Variants in SLC22A23 observed in about 807,000 individuals in gnomAD.
The protein encoded by SLC22A23 is solute carrier family 22 member 23.
Under a neutral mutation model 61.0 loss-of-function variants are expected in SLC22A23, and 26 were observed. That is an observed-to-expected ratio of 0.43 (90% CI 0.31 to 0.59). The LOEUF (loss-of-function observed/expected upper bound fraction) is 0.59, where lower values mean the gene tolerates loss of function less well. Among genes scored for constraint, SLC22A23 ranks in the 20% least tolerant of loss-of-function variants. SLC22A23 has a pLI of 0.11. For missense variants in SLC22A23, 796 were observed against 934.7 expected (o/e 0.85, Z 1.94); for synonymous variants, 430 against 413.9 (o/e 1.04, Z -0.47).
At position 3,387,307 on chromosome 6, in the gene SLC22A23, A is replaced by G. The variant is rs539345870; in HGVS notation, c.913+22881T>C. Among the ~76,000 whole-genome samples, 5 of 152,364 alleles carry G rather than the reference A, an allele frequency of 3.3e-5. No homozygotes were observed. In the South Asian group the frequency reaches 1.0e-3, roughly 32 times the overall value. ...CCTGCCTCGATACGACGCCATGAGC[A>G]GGGTGGTGCTCTTCCCCCTAGTCTG... On this transcript the variant is annotated intron_variant, in intron 3 of 9. Coordinates refer to ENST00000406686, the MANE Select transcript of SLC22A23 (RefSeq NM_015482.2). This position sits in a 1 kb window ranked among gnomAD's most constrained non-coding sequence, Gnocchi z 5.0.
chr6:3,344,461 G>C (rs996569039), intron 3 of SLC22A23, among the ~76,000 whole-genome samples: 2 of 152,156 alleles, frequency 1.3e-5, no homozygotes, highest in Non-Finnish European at 2.9e-5. Flanking sequence ...AGTCTAAAGG[G>C]CTGTATTGAA....
At chr6:3,393,844 G>A (rs961716705) in intron 3 of SLC22A23, among the ~76,000 whole-genome samples, 2 of 152,214 alleles carry the variant, frequency 1.3e-5, no homozygotes, top group African/African-American at 4.8e-5. Context: ...CTGAAAAGAG[G>A]ATAGGAACGA....
chr6:3,296,130 C>T (rs1761066578), intron 5 of SLC22A23, among the ~76,000 whole-genome samples: 1 of 152,174 alleles, frequency 6.6e-6, no homozygotes, highest in Non-Finnish European at 1.5e-5. Context: ...ACAAATTGTA[C>T]TGTAAGCCTA....
intron 4 of SLC22A23, among the ~76,000 whole-genome samples, chr6:3,314,830 A>G (rs1762544348): frequency 6.6e-6 from 1 of 152,160 alleles, no homozygotes; most frequent in Non-Finnish European, 1.5e-5. Context: ...CCTTTACGGC[A>G]GCACAATCTC....
chr6:3,340,138 C>A (rs1173342728), intron 3 of SLC22A23, among the ~76,000 whole-genome samples: 2 of 152,122 alleles, frequency 1.3e-5, no homozygotes, highest in Non-Finnish European at 2.9e-5. Context: ...GGAGGGATGG[C>A]CTGGAGAAGG....
intron 3 of SLC22A23, among the ~76,000 whole-genome samples, chr6:3,332,842 CAG>C (rs1763652387): frequency 6.6e-6 from 1 of 152,088 alleles, no homozygotes; most frequent in Non-Finnish European, 1.5e-5. Context: ...CAGTCTAGAG[CAG>C]ACTTCCCCCG....
intron 1 of SLC22A23, among the ~76,000 whole-genome samples, chr6:3,428,085 C>G (rs1300277697): frequency 1.7e-4 from 26 of 152,214 alleles, no homozygotes; most frequent in Admixed American, 1.7e-3. Flanking sequence ...ACCCTGAGAA[C>G]TCACCGGGGC....
At position 3,322,284 on chromosome 6, in the gene SLC22A23, T is replaced by C. The variant is rs1763000519; in HGVS notation, c.1082+1550A>G. ...GAAGCACAGAGAAGCATTTGTGAGATAAATCAGCACCCTTGAACTCCGAAA... is the reference window on the plus strand; with the variant it reads ...GAAGCACAGAGAAGCATTTGTGAGACAAATCAGCACCCTTGAACTCCGAAA... On this transcript the variant is annotated intron_variant, in intron 4 of 9. Transcript: ENST00000406686. This position sits in a 1 kb window ranked among gnomAD's most constrained non-coding sequence, Gnocchi z 4.1. Among the ~76,000 whole-genome samples the C allele has an allele frequency of 6.6e-6, 1 of 152,142 alleles. No individual in the cohort carries two copies. The highest frequency in any genetic ancestry group is 2.4e-5 in the African/African-American group (1 of 41,428).
intron 3 of SLC22A23, among the ~76,000 whole-genome samples, chr6:3,352,520 G>C (rs763642126): frequency 6.6e-6 from 1 of 152,106 alleles, no homozygotes; most frequent in Non-Finnish European, 1.5e-5. Context: ...CACAGACAGA[G>C]AGAAAGAGAG....
chr6:3,344,050 T>C (rs975097261), intron 3 of SLC22A23, among the ~76,000 whole-genome samples: 2 of 152,198 alleles, frequency 1.3e-5, no homozygotes, highest in East Asian at 1.9e-4. Context: ...GGGAATGCCT[T>C]GGTTTCTGTG....
intron 1 of SLC22A23, among the ~76,000 whole-genome samples, chr6:3,429,837 G>A (rs944045048): frequency 2.6e-5 from 4 of 152,174 alleles, no homozygotes; most frequent in African/African-American, 9.7e-5. Flanking sequence ...GATACGAGGT[G>A]CCTGGAGTAG....
intron 9 of SLC22A23, among the ~76,000 whole-genome samples, chr6:3,278,728 C>A (rs1759141725): frequency 6.6e-6 from 1 of 152,166 alleles, no homozygotes; most frequent in Non-Finnish European, 1.5e-5. Context: ...CCTAAAATAG[C>A]CAATTAAGTC....
chr6:3,410,168 T>C lies in SLC22A23; in HGVS notation c.913+20A>G, dbSNP rs780048124. ...TTTTGCTAAATTCTTTCAAGACTAG[T>C]CGTGAAGGCTCCTACTTACGTAAAG... On this transcript the variant is annotated intron_variant, in intron 3 of 9. Coordinates refer to ENST00000406686, the MANE Select transcript of SLC22A23 (RefSeq NM_015482.2). The surrounding 1 kb of genome is among the most constrained non-coding windows in gnomAD (Gnocchi z 5.0). 1 of 1,599,214 alleles carries C rather than the reference T, an allele frequency of 6.3e-7. No homozygotes were observed. The highest frequency in any genetic ancestry group is 1.1e-5 in the South Asian group (1 of 88,288).
rs545890140 is a variant in SLC22A23, at chr6:3,322,495, C to T, written c.1082+1339G>A. Among the ~76,000 whole-genome samples, 3 of 152,342 alleles carry T rather than the reference C, an allele frequency of 2.0e-5. No homozygotes were observed. The highest frequency in any genetic ancestry group is 1.9e-4 in the East Asian group (1 of 5,186). On this transcript the variant is annotated intron_variant, in intron 4 of 9. Transcript: ENST00000406686. This position sits in a 1 kb window ranked among gnomAD's most constrained non-coding sequence, Gnocchi z 4.1. ...GGTTGTGCTGCGGGAGGGGTTTGGA[C>T]ATCCAACTTCGGGACAAGAGCTGGA...
At chr6:3,453,243 A>G (rs941964242) in intron 1 of SLC22A23, among the ~76,000 whole-genome samples, 4 of 152,206 alleles carry the variant, frequency 2.6e-5, no homozygotes, top group Non-Finnish European at 4.4e-5. Context: ...TTTAAGAAAT[A>G]ATTTTTTAAA....
At chr6:3,399,204 G>C (rs1156886987) in intron 3 of SLC22A23, among the ~76,000 whole-genome samples, 1 of 152,154 alleles carries the variant, frequency 6.6e-6, no homozygotes, top group Non-Finnish European at 1.5e-5. Context: ...TCACCATGCA[G>C]AGGAAACGCC....
chr6:3,276,973 G>GC (rs1387244208), intron 9 of SLC22A23: 1 of 152,242 alleles, frequency 6.6e-6, no homozygotes, highest in Non-Finnish European at 1.5e-5. Flanking sequence ...GCCTCGGTCT[G>GC]CATCTATAAA....
In SLC22A23 at chr6:3,298,146, G is replaced by A; in HGVS notation, c.1155C>T (p.His385=). 6.3e-7 allele frequency: 1 copy of A among 1,591,676 alleles called. No individual in the cohort carries two copies. The highest frequency in any genetic ancestry group is 8.5e-7 in the Non-Finnish European group (1 of 1,171,440). The change falls in exon 5 of 10, where the codon CAC becomes CAT. Residue 385 remains histidine, a synonymous_variant. Coordinates refer to ENST00000406686, the MANE Select transcript of SLC22A23 (RefSeq NM_015482.2). ...QFESAKRLIL[H]FTQKNRMNPE... is the part of the protein sequence containing the mutation. ...GGTTCATGCGATTCTTCTGTGTGAA[G>A]TGGAGGATCAGCCTCTTTGCAGACT...
At chr6:3,391,123 A>T (rs959532950) in intron 3 of SLC22A23, among the ~76,000 whole-genome samples, 2 of 152,262 alleles carry the variant, frequency 1.3e-5, no homozygotes, top group African/African-American at 2.4e-5. Context: ...AGTAATGGTA[A>T]GGAAAAGGAA....
Sources: allele counts gnomAD v4.1 joint callset (sites outside exome capture counted in the v4.1 genomes callset), GRCh38; gene constraint gnomAD v4.1.1; non-coding constraint Gnocchi (gnomAD v3.1); transcripts MANE v1.5; gene names NCBI Gene and HGNC (gene_info 2026-07-23, HGNC 2026-07-21).